SYT16: variants seen among roughly 807,000 people sequenced by gnomAD.
SYT16 encodes the protein synaptotagmin-16.
SYT16 carries 42 observed loss-of-function variants against 61.4 expected under a neutral mutation model. The observed-to-expected ratio is 0.68, with a 90% CI of 0.53 to 0.89. The LOEUF (loss-of-function observed/expected upper bound fraction) is 0.89. Among genes scored for constraint, SYT16 ranks in the 40% least tolerant of loss-of-function variants. SYT16 has a pLI of 0.00. For synonymous variants in SYT16, 314 were observed against 302.3 expected (o/e 1.04, Z -0.40); for missense variants, 804 against 807.3 (o/e 1.00, Z 0.05).
chr14:62,024,104 A>G (rs1351894921), intron 3 of SYT16, among the ~76,000 whole-genome samples: 1 of 152,148 alleles, frequency 6.6e-6, no homozygotes, highest in Non-Finnish European at 1.5e-5. Context: ...AGATATGAAC[A>G]ATATCTTTAT....
intron 1 of SYT16, among the ~76,000 whole-genome samples, chr14:61,925,670 AC>A (rs2049507653): frequency 6.6e-6 from 1 of 152,166 alleles, no homozygotes; most frequent in Non-Finnish European, 1.5e-5. Flanking sequence ...CTTTATTTTG[AC>A]CATCTTTCAC....
At chr14:62,040,048 G>C (rs551387653) in intron 3 of SYT16, among the ~76,000 whole-genome samples, 3 of 151,282 alleles carry the variant, frequency 2.0e-5, no homozygotes, top group African/African-American at 7.3e-5. Context: ...CTCTTTTACT[G>C]TGTTGGCTTC....
intron 5 of SYT16, chr14:62,079,254 A>G (rs942730585): frequency 5.2e-5 from 32 of 614,594 alleles, no homozygotes; most frequent in Non-Finnish European, 6.4e-5. Flanking sequence ...ACCTCTGAAT[A>G]GAAACACTCA....
intron 1 of SYT16, among the ~76,000 whole-genome samples, chr14:61,958,878 C>T (rs1456875088): frequency 6.6e-6 from 1 of 151,946 alleles, no homozygotes; most frequent in Non-Finnish European, 1.5e-5. Flanking sequence ...TGCATTGCTA[C>T]CTATTTTTCA....
chr14:61,967,322 T>C (rs923904593), intron 1 of SYT16, among the ~76,000 whole-genome samples: 1 of 152,216 alleles, frequency 6.6e-6, no homozygotes, highest in Non-Finnish European at 1.5e-5. Context: ...TTTTGTCCTC[T>C]GGGTAATGGG....
intron 1 of SYT16, among the ~76,000 whole-genome samples, chr14:61,923,046 C>G (rs1432887375): frequency 8.0e-6 from 1 of 125,674 alleles, no homozygotes; most frequent in East Asian, 2.5e-4. Flanking sequence ...AAGACTCTGT[C>G]TCAAAAAAAA....
Position 62,102,312 on chromosome 14 carries a change from A to G in SYT16, c.*1605A>G, listed in dbSNP as rs1015466107. On this transcript the variant is annotated 3_prime_UTR_variant, in exon 8 of 8. Coordinates refer to ENST00000683842, the MANE Select transcript of SYT16 (RefSeq NM_001367656.1). ...GACTAGGGCACAGGATAACTCTACTATGCTTTCAGGGTTCAGTCTTTGAAT... is the reference window on the plus strand; with the variant it reads ...GACTAGGGCACAGGATAACTCTACTGTGCTTTCAGGGTTCAGTCTTTGAAT... 2.6e-5 allele frequency: 4 copies of G among 152,212 alleles called. No individual in the cohort carries two copies. Among genetic ancestry groups the G allele is most frequent in the African/African-American group, 9.6e-5 (4 of 41,464 alleles). The allele number at this position is 152,212 out of a possible 1,614,324, so 9.4% of individuals were successfully genotyped here.
chr14:61,907,305 C>T (rs193212763), intron 1 of SYT16, among the ~76,000 whole-genome samples: 203 of 152,262 alleles, frequency 1.3e-3, no homozygotes, highest in African/African-American at 4.2e-3. Flanking sequence ...CTAGAGATGA[C>T]GTTCTTATGA....
rs1388178012 is a variant in SYT16 at position 62,100,443 on chromosome 14, C to T, written c.1674C>T (p.Ser558=). ...TCAATTCTGTGGGTCAAGAGATGTCCCGTTGCAAGACGTCCATTCGGCGTG... is the reference window on the plus strand; with the variant it reads ...TCAATTCTGTGGGTCAAGAGATGTCTCGTTGCAAGACGTCCATTCGGCGTG... ...FLLNSVGQEM[S]RCKTSIRRGQ... The change falls in exon 8 of 8, where the codon TCC becomes TCT. Residue 558 remains serine, a synonymous_variant. Coordinates refer to ENST00000683842, the MANE Select transcript of SYT16 (RefSeq NM_001367656.1). The T allele has an allele frequency of 8.1e-6, 13 of 1,612,988 alleles. No homozygotes were observed. Among genetic ancestry groups the T allele is most frequent in the East Asian group, 2.2e-5 (1 of 44,880 alleles).
At chr14:61,907,424 T>C (rs1256712348) in intron 1 of SYT16, among the ~76,000 whole-genome samples, 2 of 152,246 alleles carry the variant, frequency 1.3e-5, no homozygotes, top group Non-Finnish European at 2.9e-5. Context: ...AAATAACTTT[T>C]ATTATTTCAT....
chr14:61,919,766 A>G (rs1291511380), intron 1 of SYT16, among the ~76,000 whole-genome samples: 1 of 152,288 alleles, frequency 6.6e-6, no homozygotes, highest in African/African-American at 2.4e-5. Context: ...TCTCATATCC[A>G]TGGGTTCCAG....
intron 1 of SYT16, among the ~76,000 whole-genome samples, chr14:61,813,383 C>G (rs753994571): frequency 1.4e-4 from 22 of 152,324 alleles, no homozygotes; most frequent in South Asian, 1.0e-3. Context: ...TTGGAAGGCG[C>G]TGGGTTGGCC....
At chr14:61,816,269 T>A (rs938322197) in intron 1 of SYT16, among the ~76,000 whole-genome samples, 2 of 140,402 alleles carry the variant, frequency 1.4e-5, no homozygotes, top group African/African-American at 5.1e-5. Context: ...ATCAGCAATT[T>A]CCACTCAGTG....
At chr14:62,034,777 G>T (rs2054442384) in intron 3 of SYT16, among the ~76,000 whole-genome samples, 2 of 152,164 alleles carry the variant, frequency 1.3e-5, no homozygotes, top group African/African-American at 4.8e-5. Context: ...TGGTGAAAAT[G>T]TGCTAAAATT....
chr14:61,853,721 G>A (rs564853837), intron 1 of SYT16, among the ~76,000 whole-genome samples: 159 of 152,244 alleles, frequency 1.0e-3, no homozygotes, highest in African/African-American at 3.7e-3. Context: ...AGTCTGAATG[G>A]ACAAAGACAC....
chr14:61,839,069 GT>G lies in SYT16; in HGVS notation c.-325+26260del. The stretch of plus-strand genomic sequence containing the variant: ...TTACAGAATGGTAATCAAGTACTAA[GT>G]GCTAGGAGAGGAATACAGCTGGAGT... On this transcript the variant is annotated intron_variant, in intron 1 of 7. Coordinates refer to ENST00000683842, the MANE Select transcript of SYT16 (RefSeq NM_001367656.1). Among the ~76,000 whole-genome samples, 4 of 148,298 alleles carry G rather than the reference GT, an allele frequency of 2.7e-5. No homozygotes were observed. In the South Asian group the frequency reaches 8.5e-4, roughly 32 times the overall value.
At chr14:61,862,603 A>G (rs560574330) in intron 1 of SYT16, among the ~76,000 whole-genome samples, 1 of 152,278 alleles carries the variant, frequency 6.6e-6, no homozygotes, top group African/African-American at 2.4e-5. Flanking sequence ...TACATTTGTT[A>G]ACACTGAGGA....
At chr14:62,005,348 G>A (rs1201791794) in intron 3 of SYT16, among the ~76,000 whole-genome samples, 1 of 152,096 alleles carries the variant, frequency 6.6e-6, no homozygotes, top group Non-Finnish European at 1.5e-5. Flanking sequence ...AGCTTCTTCA[G>A]CTTCAGGTCT....
At chr14:61,930,679 C>T (rs1337554283) in intron 1 of SYT16, among the ~76,000 whole-genome samples, 1 of 152,014 alleles carries the variant, frequency 6.6e-6, no homozygotes, top group Non-Finnish European at 1.5e-5. Context: ...TGCTAATCAA[C>T]TGGCCTTTAA....
Sources: allele counts gnomAD v4.1 joint callset (sites outside exome capture counted in the v4.1 genomes callset), GRCh38; gene constraint gnomAD v4.1.1; transcripts MANE v1.5; gene names NCBI Gene and HGNC (gene_info 2026-07-23, HGNC 2026-07-21).